ABCB10: variants seen among roughly 807,000 people sequenced by gnomAD.
ABCB10 encodes the protein ATP binding cassette subfamily B member 10, also known as ATP-binding cassette sub-family B member 10, mitochondrial.
In ABCB10, 54 loss-of-function variants were observed where a neutral mutation model predicts 65.4. That is an observed-to-expected ratio of 0.83 (90% CI 0.66 to 1.04). ABCB10 has a LOEUF of 1.04. ABCB10 is among the 50% of genes least tolerant of loss of function. ABCB10 has a pLI of 0.00. For missense variants in ABCB10, 846 were observed against 976.6 expected (o/e 0.87, Z 1.78); for synonymous variants, 418 against 406.5 (o/e 1.03, Z -0.34).
In ABCB10 at chr1:229,522,510, C is replaced by T. The variant is rs190168703; in HGVS notation, c.1907-875G>A. Among the ~76,000 whole-genome samples the T allele has an allele frequency of 3.0e-3, 454 of 152,302 alleles. 2 individuals carry two copies. The highest frequency in any genetic ancestry group is 0.01 in the African/African-American group (421 of 41,552). ...CCACTGTGTGAGCCACTGTGCCTGA[C>T]TAATCTTTTTAAAAATCCTATGAGA... is the stretch of plus-strand genomic sequence containing the variant. On this transcript the variant is annotated intron_variant, in intron 10 of 12. Transcript: ENST00000344517.
chr1:229,547,271 CAT>C (rs1223047748), intron 3 of ABCB10, among the ~76,000 whole-genome samples: 11 of 152,244 alleles, frequency 7.2e-5, no homozygotes, highest in South Asian at 2.1e-4. Flanking sequence ...AGCAGTAACA[CAT>C]GAGTCCATTT....
At chr1:229,542,458 T>G (rs1006103644) in intron 3 of ABCB10, 87 bp from the exon 4 acceptor site, 3 of 1,470,276 alleles carry the variant, frequency 2.0e-6, no homozygotes, top group Non-Finnish European at 1.8e-6. Flanking sequence ...AGTGTGTGTG[T>G]GGGTGTGTCT....
At position 229,516,986 on chromosome 1, in the gene ABCB10, T is replaced by C. The variant is rs1320035807; in HGVS notation, c.*1193A>G. 5 of 152,218 alleles carry C rather than the reference T, an allele frequency of 3.3e-5. No homozygotes were observed. The highest frequency in any genetic ancestry group is 6.5e-5 in the Admixed American group (1 of 15,280). 9.4% of individuals were successfully genotyped at this position (152,218 alleles called of 1,614,324 possible). A position where few individuals can be genotyped will look rare whatever the true frequency, so the allele number is the denominator to read the frequency against. On this transcript the variant is annotated 3_prime_UTR_variant, in exon 13 of 13. Coordinates refer to ENST00000344517, the MANE Select transcript of ABCB10 (RefSeq NM_012089.3). ...TGGGAAAACTTCCATTTGATTTACA[T>C]TGACTTAATTACTTCTTAGGGTCTA...
chr1:229,518,947 G>A, intron 11 of ABCB10, 72 bp from the exon 12 acceptor site: 1 of 1,297,938 alleles, frequency 7.7e-7, no homozygotes, highest in Non-Finnish European at 1.1e-6. Context: ...CAATAAAAAA[G>A]GAATAAAATT....
At chr1:229,543,074 T>C (rs542585617) in intron 3 of ABCB10, among the ~76,000 whole-genome samples, 47 of 140,526 alleles carry the variant, frequency 3.3e-4, no homozygotes, top group Admixed American at 1.8e-3. Flanking sequence ...GAGGTTGCAG[T>C]GAGCCAAGAT....
At chr1:229,537,901 T>TG (rs770966300) in intron 6 of ABCB10, among the ~76,000 whole-genome samples, 74 of 152,358 alleles carry the variant, frequency 4.9e-4, no homozygotes, top group Non-Finnish European at 8.7e-4. Context: ...TAATTCAAGT[T>TG]GTTGGATTAA....
In ABCB10 at chr1:229,526,115, T is replaced by C. The variant is rs1662438082; in HGVS notation, c.1727A>G (p.Glu576Gly). 6.2e-7 allele frequency: 1 copy of C among 1,606,952 alleles called. No homozygotes were observed. The highest frequency in any genetic ancestry group is 2.2e-5 in the East Asian group (1 of 44,794). ...LRSKIGTVSQ[E>G]PILFSCSIAE... ...AATAGAGCAAGAAAACAAAATGGGT[T>C]CCTACAAATTGGAAATAAAACATAT... is the stretch of plus-strand genomic sequence containing the variant. Residue 576 changes from glutamate (E) to glycine (G), a missense_variant and splice_region_variant, in exon 10 of 13, where the codon GAA (glutamate) becomes GGA (glycine). Transcript: ENST00000344517.
intron 10 of ABCB10, among the ~76,000 whole-genome samples, chr1:229,522,700 A>G (rs1355677292): frequency 1.3e-5 from 2 of 152,216 alleles, no homozygotes; most frequent in Non-Finnish European, 2.9e-5. Flanking sequence ...ATCACTACAC[A>G]TATTTCCTCC....
At chr1:229,545,822 G>C (rs1187448421) in intron 3 of ABCB10, among the ~76,000 whole-genome samples, 1 of 152,164 alleles carries the variant, frequency 6.6e-6, no homozygotes, top group African/African-American at 2.4e-5. Context: ...GAGACAGCAA[G>C]AACAACCTTT....
At chr1:229,556,513 AAAC>A (rs1206746861) in intron 1 of ABCB10, among the ~76,000 whole-genome samples, 1 of 152,168 alleles carries the variant, frequency 6.6e-6, no homozygotes, top group Non-Finnish European at 1.5e-5. Context: ...TATCCCAGAA[AAAC>A]AAAAGAAGAA....
chr1:229,528,170 T>A (rs1323892477), intron 8 of ABCB10, among the ~76,000 whole-genome samples: 1 of 152,154 alleles, frequency 6.6e-6, no homozygotes, highest in Non-Finnish European at 1.5e-5. Context: ...AAACTTGAGG[T>A]CTTTGACGAA....
intron 6 of ABCB10, among the ~76,000 whole-genome samples, chr1:229,532,421 AT>A (rs1662607061): frequency 6.6e-6 from 1 of 152,258 alleles, no homozygotes; most frequent in Admixed American, 6.5e-5. Flanking sequence ...ATTTAAAAAA[AT>A]ATAAAATACT....
chr1:229,531,816 T>C (rs1662592018), intron 6 of ABCB10, 85 bp from the exon 7 acceptor site: 2 of 1,025,358 alleles, frequency 2.0e-6, no homozygotes, highest in South Asian at 1.6e-5. Context: ...GTGACAATGA[T>C]TGCTTTTAAT....
chr1:229,537,022 C>G (rs1475473081), intron 6 of ABCB10, among the ~76,000 whole-genome samples: 3 of 151,460 alleles, frequency 2.0e-5, no homozygotes, highest in Non-Finnish European at 2.9e-5. Context: ...AAATATTATG[C>G]TAAGTGTAAG....
Position 229,526,035 on chromosome 1 carries a change from T to G in ABCB10, c.1807A>C (p.Ile603Leu). Residue 603 changes from isoleucine (I) to leucine (L), a missense_variant, in exon 10 of 13, where the codon ATC (isoleucine) becomes CTC (leucine). Transcript: ENST00000344517. ...DDPSSVTAEE[I>L]QRVAEVANAV... The stretch of plus-strand genomic sequence containing the variant: ...TTGGCCACTTCAGCCACTCTCTGGA[T>G]TTCCTCAGCGGTCACAGAGGAAGGG... 1 of 1,614,242 alleles carries G rather than the reference T, an allele frequency of 6.2e-7. No individual in the cohort carries two copies. Among genetic ancestry groups the G allele is most frequent in the Non-Finnish European group, 8.5e-7 (1 of 1,180,048 alleles).
Position 229,558,667 on chromosome 1 carries a change from C to A in ABCB10, c.-15G>T. On this transcript the variant is annotated 5_prime_UTR_variant, in exon 1 of 13. Coordinates refer to ENST00000344517, the MANE Select transcript of ABCB10 (RefSeq NM_012089.3). ...GGGCCTCGCATGGCGCTGCGTGCGA[C>A]CCGTACGCCTCAGCCCGCCGGCCAG... is the stretch of plus-strand genomic sequence containing the variant. 1 of 1,304,960 alleles carries A rather than the reference C, an allele frequency of 7.7e-7. No individual in the cohort carries two copies. Among genetic ancestry groups the A allele is most frequent in the Non-Finnish European group, 9.7e-7 (1 of 1,029,714 alleles). The allele number at this position is 1,304,960 out of a possible 1,614,324, so 80.8% of individuals were successfully genotyped here.
At position 229,537,561 on chromosome 1, in the gene ABCB10, C is replaced by T. The variant is rs184652711; in HGVS notation, c.1339+1895G>A. ...TAGCAATTTGGGAGGCTGAGGCGGGCGGATTGCCTGAGCTCAGGAGTTCAA... is the reference window on the plus strand; with the variant it reads ...TAGCAATTTGGGAGGCTGAGGCGGGTGGATTGCCTGAGCTCAGGAGTTCAA... On this transcript the variant is annotated intron_variant, in intron 6 of 12. Coordinates refer to ENST00000344517, the MANE Select transcript of ABCB10 (RefSeq NM_012089.3). Among the ~76,000 whole-genome samples the T allele has an allele frequency of 1.3e-3, 202 of 152,054 alleles. 2 individuals carry two copies. The highest frequency in any genetic ancestry group is 4.7e-3 in the African/African-American group (193 of 41,502).
intron 6 of ABCB10, among the ~76,000 whole-genome samples, chr1:229,534,043 C>G (rs1037895145): frequency 6.6e-6 from 1 of 152,014 alleles, no homozygotes; most frequent in Non-Finnish European, 1.5e-5. Flanking sequence ...GGATTGCTAC[C>G]CAAAATATAC....
intron 1 of ABCB10, among the ~76,000 whole-genome samples, chr1:229,550,521 T>C (rs1571978403): frequency 1.5e-5 from 1 of 66,868 alleles, no homozygotes; most frequent in Non-Finnish European, 2.5e-5. Flanking sequence ...CAATATGCTG[T>C]CTCCAAAAAA....
Sources: allele counts gnomAD v4.1 joint callset (sites outside exome capture counted in the v4.1 genomes callset), GRCh38; gene constraint gnomAD v4.1.1; transcripts MANE v1.5; gene names NCBI Gene and HGNC (gene_info 2026-07-23, HGNC 2026-07-21).